Variants in SUGCT observed in about 807,000 individuals in gnomAD.
SUGCT encodes the protein succinyl-CoA:glutarate CoA-transferase.
Under a neutral mutation model 55.0 loss-of-function variants are expected in SUGCT, and 41 were observed. The observed-to-expected ratio is 0.74, with a 90% CI of 0.58 to 0.97. The LOEUF is 0.97. Ranked by LOEUF, SUGCT falls within the 50% of genes least tolerant of loss-of-function variation. SUGCT has a pLI of 0.00. For missense variants in SUGCT, 568 were observed against 547.8 expected (o/e 1.04, Z -0.37); for synonymous variants, 187 against 200.4 (o/e 0.93, Z 0.56).
intron 9 of SUGCT, among the ~76,000 whole-genome samples, chr7:40,378,450 T>C (rs912661910): frequency 1.3e-5 from 2 of 152,214 alleles, no homozygotes; most frequent in African/African-American, 4.8e-5. Context: ...CTCCAGATAC[T>C]CTGTTCAGTG....
chr7:40,365,204 A>G (rs1783866684), intron 9 of SUGCT, among the ~76,000 whole-genome samples: 1 of 152,218 alleles, frequency 6.6e-6, no homozygotes, highest in African/African-American at 2.4e-5. Context: ...CTTTGACAAA[A>G]TTTAACAACT....
intron 13 of SUGCT, among the ~76,000 whole-genome samples, chr7:40,841,571 T>A (rs575370812): frequency 1.3e-5 from 2 of 152,252 alleles, no homozygotes; most frequent in African/African-American, 4.8e-5. Flanking sequence ...TTACTAGTTA[T>A]AATCCACTTG....
At position 40,149,991 on chromosome 7, in the gene SUGCT, G is replaced by A. The variant is rs188112417; in HGVS notation, c.100+14871G>A. On this transcript the variant is annotated intron_variant, in intron 1 of 13. Transcript: ENST00000335693. ...CCCTGTACTCCCAGCTACTCAGGAG[G>A]TTGAGGTGGGAGAATGGCTTGAACC... 7.3e-4 allele frequency among the ~76,000 whole-genome samples: 111 copies of A among 152,298 alleles called. No homozygotes were observed. In the Middle Eastern group the frequency reaches 0.01, roughly 14 times the overall value.
intron 13 of SUGCT, among the ~76,000 whole-genome samples, chr7:40,855,054 C>T (rs1357881015): frequency 6.6e-6 from 1 of 151,414 alleles, no homozygotes; most frequent in East Asian, 1.9e-4. Flanking sequence ...AGTTTCCACC[C>T]TCCTGTCCTA....
At chr7:40,411,483 G>A (rs934060745) in intron 9 of SUGCT, among the ~76,000 whole-genome samples, 3 of 152,184 alleles carry the variant, frequency 2.0e-5, no homozygotes, top group Admixed American at 2.0e-4. Context: ...AGGTGGAACT[G>A]GAGGTCATTA....
chr7:40,730,026 G>A (rs1329702651), intron 12 of SUGCT, among the ~76,000 whole-genome samples: 3 of 152,236 alleles, frequency 2.0e-5, no homozygotes, highest in Non-Finnish European at 4.4e-5. Flanking sequence ...GCTCGGTCCT[G>A]CTAATACAGA....
chr7:40,779,783 G>A (rs2061258137), intron 13 of SUGCT, among the ~76,000 whole-genome samples: 1 of 152,128 alleles, frequency 6.6e-6, no homozygotes, highest in Non-Finnish European at 1.5e-5. Flanking sequence ...TTAATCAAAA[G>A]GAATGTCACC....
chr7:40,547,849 TA>T (rs1795077457), intron 12 of SUGCT, among the ~76,000 whole-genome samples: 1 of 152,164 alleles, frequency 6.6e-6, no homozygotes, highest in South Asian at 2.1e-4. Flanking sequence ...GCTTTATGGA[TA>T]TTTTATAATT....
At chr7:40,669,300 A>T (rs919311232) in intron 12 of SUGCT, among the ~76,000 whole-genome samples, 5 of 151,160 alleles carry the variant, frequency 3.3e-5, no homozygotes, top group Non-Finnish European at 7.4e-5. Context: ...GAAGGTTTAA[A>T]TAAGGTCCAG....
intron 12 of SUGCT, among the ~76,000 whole-genome samples, chr7:40,686,292 G>C (rs1312196728): frequency 6.6e-6 from 1 of 152,156 alleles, no homozygotes; most frequent in Non-Finnish European, 1.5e-5. Context: ...GTGACCTTGA[G>C]CAAGTTACTT....
chr7:40,491,406 G>A (rs979370346), intron 11 of SUGCT, among the ~76,000 whole-genome samples: 1 of 152,166 alleles, frequency 6.6e-6, no homozygotes, highest in African/African-American at 2.4e-5. Flanking sequence ...GGAGTTCCAG[G>A]TTTAGCCAAG....
chr7:40,831,967 T>C (rs752249044), intron 13 of SUGCT, among the ~76,000 whole-genome samples: 1 of 152,198 alleles, frequency 6.6e-6, no homozygotes, highest in African/African-American at 2.4e-5. Context: ...AGAACACTTA[T>C]ATAGTAGTAA....
intron 12 of SUGCT, among the ~76,000 whole-genome samples, chr7:40,500,366 G>C (rs1342842779): frequency 6.6e-6 from 1 of 152,108 alleles, no homozygotes; most frequent in Non-Finnish European, 1.5e-5. Context: ...GAAAATATCA[G>C]AACTATTGAA....
At chr7:40,733,251 A>G (rs1232491278) in intron 12 of SUGCT, among the ~76,000 whole-genome samples, 1 of 152,028 alleles carries the variant, frequency 6.6e-6, no homozygotes, top group Non-Finnish European at 1.5e-5. Context: ...TTATATATAC[A>G]TGACTCAGCC....
chr7:40,844,932 T>G (rs1021617885), intron 13 of SUGCT, among the ~76,000 whole-genome samples: 4 of 152,238 alleles, frequency 2.6e-5, no homozygotes, highest in African/African-American at 7.2e-5. Context: ...TGACTTCACT[T>G]AGAAATGTAG....
chr7:40,605,224 C>A (rs1436090264), intron 12 of SUGCT, among the ~76,000 whole-genome samples: 1 of 152,212 alleles, frequency 6.6e-6, no homozygotes, highest in Non-Finnish European at 1.5e-5. Flanking sequence ...TTATGTTTTA[C>A]TCCAATCAAC....
chr7:40,261,351 T>A (rs535472247), intron 7 of SUGCT, among the ~76,000 whole-genome samples: 1 of 152,314 alleles, frequency 6.6e-6, no homozygotes, highest in Non-Finnish European at 1.5e-5. Flanking sequence ...TCACACAGTT[T>A]CTATTAGCAT....
At chr7:40,464,633 G>A (rs1223083705) in intron 11 of SUGCT, among the ~76,000 whole-genome samples, 5 of 152,142 alleles carry the variant, frequency 3.3e-5, no homozygotes, top group East Asian at 3.9e-4. Flanking sequence ...ACTGTACTGT[G>A]AGCCTGGACA....
intron 7 of SUGCT, among the ~76,000 whole-genome samples, chr7:40,239,185 A>G (rs1167921619): frequency 6.6e-6 from 1 of 152,052 alleles, no homozygotes; most frequent in Non-Finnish European, 1.5e-5. Context: ...GGCTCAATAG[A>G]TTCTCCAACC....
Sources: allele counts gnomAD v4.1 joint callset (sites outside exome capture counted in the v4.1 genomes callset), GRCh38; gene constraint gnomAD v4.1.1; transcripts MANE v1.5; gene names NCBI Gene and HGNC (gene_info 2026-07-23, HGNC 2026-07-21).